The following KIF25 variants were observed in gnomAD, a reference collection of about 807,000 sequenced individuals.
KIF25 encodes kinesin family member 25.
KIF25 carries 19 observed loss-of-function variants against 32.9 expected under a neutral mutation model. The observed-to-expected ratio is 0.58, with a 90% CI of 0.40 to 0.85. The LOEUF is 0.85. KIF25 is among the 40% of genes least tolerant of loss of function. The pLI, the probability that KIF25 is intolerant of heterozygous loss-of-function variation, is 0.00. For synonymous variants in KIF25, 225 were observed against 213.7 expected, an observed-to-expected ratio of 1.05 and a Z score of -0.46; for missense variants, 485 against 507.0, an observed-to-expected ratio of 0.96 and a Z score of 0.42.
intron 2 of KIF25, among the ~76,000 whole-genome samples, chr6:168,000,738 G>A (rs760995087): frequency 2.4e-4 from 36 of 152,076 alleles, no homozygotes; most frequent in African/African-American, 4.3e-4. Flanking sequence ...TGCGCTTCCC[G>A]GCTGTCCCAA....
intron 11 of KIF25, 149 bp from the exon 12 acceptor site, chr6:168,042,412 G>C (rs1362434749): frequency 9.2e-7 from 1 of 1,083,524 alleles, no homozygotes; most frequent in Non-Finnish European, 1.3e-6. Flanking sequence ...GCTGTGAGCA[G>C]AGCCATGAAA....
chr6:168,009,975 C>T (rs1798627190), intron 4 of KIF25, among the ~76,000 whole-genome samples: 1 of 151,812 alleles, frequency 6.6e-6, no homozygotes, highest in South Asian at 2.1e-4. Flanking sequence ...GTTAGTCTGG[C>T]TAATGGTTTG....
rs1798464295 is a variant in KIF25, at chr6:167,999,249, CAG to C, written c.-438_-437del. 1 of 152,216 alleles carries C rather than the reference CAG, an allele frequency of 6.6e-6. No homozygotes were observed. Among genetic ancestry groups the C allele is most frequent in the South Asian group, 2.1e-4 (1 of 4,830 alleles). The allele number at this position is 152,216 out of a possible 1,614,324, so 9.4% of individuals were successfully genotyped here. A position where few individuals can be genotyped will look rare whatever the true frequency, so the allele number is the denominator to read the frequency against. ...CATTGCAGGAGCTGAAACGAAATAT[CAG>C]AGTTCACTGTCGGATTCGTCCTTTG... On this transcript the variant is annotated 5_prime_UTR_variant, in exon 2 of 13. Coordinates refer to ENST00000643607, the MANE Select transcript of KIF25 (RefSeq NM_030615.4).
At chr6:168,026,739 C>G (rs1404692346) in intron 5 of KIF25, among the ~76,000 whole-genome samples, 1 of 151,958 alleles carries the variant, frequency 6.6e-6, no homozygotes, top group Non-Finnish European at 1.5e-5. Context: ...AAAAGGCAAA[C>G]CAAAAGTAAT....
chr6:168,031,106 T>C (rs1348222836), intron 7 of KIF25, among the ~76,000 whole-genome samples: 1 of 152,220 alleles, frequency 6.6e-6, no homozygotes, highest in African/African-American at 2.4e-5. Context: ...TCCACTTTAG[T>C]TACAGTGCAT....
rs1411608746 is a variant in KIF25 at position 168,038,637 on chromosome 6, G to A, written c.402G>A (p.Leu134=). ...ACAATAATGACATTTTTGACCTTCT[G>A]GCCAAAGACAGCATTGCAGCAGTGT... ...EVYNNDIFDL[L]AKDSIAAVSG... The change falls in exon 9 of 13, where the codon CTG becomes CTA. Residue 134 remains leucine, a synonymous_variant. Coordinates refer to ENST00000643607, the MANE Select transcript of KIF25 (RefSeq NM_030615.4). 1.2e-6 allele frequency: 2 copies of A among 1,614,166 alleles called. No individual in the cohort carries two copies. The highest frequency in any genetic ancestry group is 1.3e-5 in the African/African-American group (1 of 75,030).
In KIF25 at chr6:168,041,959, T is replaced by G; in HGVS notation, c.647-10T>G. On this transcript the variant is annotated splice_polypyrimidine_tract_variant and intron_variant, in intron 10 of 12. Transcript: ENST00000643607. ...TGTTTTCCTCCTCGTCGCTCCTTGG[T>G]CCCTTGCAGCAGACCAAGCCTGCAG... 1 of 1,551,012 alleles carries G rather than the reference T, an allele frequency of 6.4e-7. No individual in the cohort carries two copies. The highest frequency in any genetic ancestry group is 8.7e-7 in the Non-Finnish European group (1 of 1,146,872).
chr6:168,000,102 A>T (rs1275845783), intron 2 of KIF25, among the ~76,000 whole-genome samples: 1 of 56,146 alleles, frequency 1.8e-5, no homozygotes, highest in East Asian at 5.7e-4. Context: ...ACCACACCTG[A>T]CCCTCCCCAC....
Position 168,042,710 on chromosome 6 carries a change from T to G in KIF25, c.979T>G (p.Cys327Gly), listed in dbSNP as rs1799145277. 1 of 1,609,808 alleles carries G rather than the reference T, an allele frequency of 6.2e-7. No individual in the cohort carries two copies. The highest frequency in any genetic ancestry group is 1.7e-5 in the Admixed American group (1 of 59,816). The change falls in exon 12 of 13, where the codon TGC (cysteine) becomes GGC (glycine). Residue 327 changes from cysteine (C) to glycine (G), a missense_variant. Cys to Gly is a radical substitution (Grantham distance 159). Coordinates refer to ENST00000643607, the MANE Select transcript of KIF25 (RefSeq NM_030615.4). ...CAGGCTCACCCACCTCCTTCAGGAC[T>G]GCCTCGGTAACCGTTTTCCCCAAAA... ...NSRLTHLLQD[C>G]LGGDAKLLVI...
chr6:168,019,541 C>T (rs225755), intron 5 of KIF25, among the ~76,000 whole-genome samples: 5 of 151,928 alleles, frequency 3.3e-5, no homozygotes, highest in African/African-American at 4.8e-5. Context: ...GCCGCAGCAA[C>T]AGAAATGACC....
chr6:168,022,618 T>C, intron 5 of KIF25, among the ~76,000 whole-genome samples: 1 of 152,288 alleles, frequency 6.6e-6, no homozygotes, highest in East Asian at 1.9e-4. Context: ...TCTTTCAGAA[T>C]GTTCTATTGT....
intron 12 of KIF25, among the ~76,000 whole-genome samples, chr6:168,043,868 G>A (rs1302074372): frequency 6.6e-6 from 1 of 152,206 alleles, no homozygotes; most frequent in Non-Finnish European, 1.5e-5. Flanking sequence ...CTCGTTACGG[G>A]TCCTGAAAAA....
rs76420878 is a variant in KIF25, at chr6:168,039,602, G to A, written c.495-463G>A. ...AACCCTGATACGGTCACACAAAGTC[G>A]CCCAAAATTTGAGCCTTTGACTGAC... On this transcript the variant is annotated intron_variant, in intron 9 of 12. Transcript: ENST00000643607. Among the ~76,000 whole-genome samples, 1,349 of 152,330 alleles carry A rather than the reference G, an allele frequency of 8.9e-3. 49 individuals are homozygous for A. Among genetic ancestry groups the A allele is most frequent in the East Asian group, 0.073 (378 of 5,184 alleles).
intron 4 of KIF25, among the ~76,000 whole-genome samples, chr6:168,012,337 C>T (rs1168998661): frequency 1.3e-5 from 2 of 152,150 alleles, no homozygotes; most frequent in Non-Finnish European, 2.9e-5. Flanking sequence ...GAGTAGGTTT[C>T]AGGAGGAAAG....
intron 4 of KIF25, among the ~76,000 whole-genome samples, chr6:168,014,803 T>C (rs1404217976): frequency 1.3e-5 from 2 of 152,254 alleles, no homozygotes; most frequent in Non-Finnish European, 2.9e-5. Flanking sequence ...ATTTAATTTA[T>C]ATCCACTCTG....
intron 4 of KIF25, among the ~76,000 whole-genome samples, chr6:168,009,138 A>G (rs1408672727): frequency 2.6e-5 from 4 of 152,134 alleles, no homozygotes; most frequent in Admixed American, 2.0e-4. Context: ...GAGACTTGGC[A>G]TCCTTGTCTT....
At chr6:168,019,316 G>A (rs1294503179) in intron 5 of KIF25, among the ~76,000 whole-genome samples, 1 of 152,140 alleles carries the variant, frequency 6.6e-6, no homozygotes, top group Admixed American at 6.5e-5. Context: ...GAAATAGAGC[G>A]AGAAATAACA....
chr6:168,039,785 A>G (rs1799088514), intron 9 of KIF25, among the ~76,000 whole-genome samples: 1 of 152,264 alleles, frequency 6.6e-6, no homozygotes, highest in African/African-American at 2.4e-5. Context: ...GCTCTAATAA[A>G]TAAAGGAATA....
intron 5 of KIF25, among the ~76,000 whole-genome samples, chr6:168,021,095 A>G (rs1394443400): frequency 1.3e-5 from 2 of 152,254 alleles, no homozygotes; most frequent in African/African-American, 2.4e-5. Context: ...TCATTAAGAC[A>G]GCGTGATAGA....
Sources: gnomAD v4.1 joint callset for allele counts (sites outside exome capture counted in the v4.1 genomes callset) on GRCh38, gnomAD v4.1.1 for gene constraint, MANE v1.5 for transcripts, NCBI Gene and HGNC (gene_info 2026-07-23, HGNC 2026-07-21) for gene names.